Variants in ANTXR1 observed in about 807,000 individuals in gnomAD.
The protein encoded by ANTXR1 is ANTXR cell adhesion molecule 1.
ANTXR1 carries 19 observed loss-of-function variants against 78.1 expected under a neutral mutation model. That is an observed-to-expected ratio of 0.24 (90% CI 0.17 to 0.36). The LOEUF is 0.36. ANTXR1 is among the 10% of genes least tolerant of loss of function. The pLI, the probability that ANTXR1 is intolerant of heterozygous loss-of-function variation, is 1.00. For synonymous variants in ANTXR1, 273 were observed against 260.5 expected (o/e 1.05, Z -0.46); for missense variants, 518 against 718.6 (o/e 0.72, Z 3.19).
At chr2:69,049,957 C>G (rs772439014) in intron 3 of ANTXR1, among the ~76,000 whole-genome samples, 1 of 151,974 alleles carries the variant, frequency 6.6e-6, no homozygotes, top group African/African-American at 2.4e-5. Flanking sequence ...TTATATCTTT[C>G]TTCTATTTCC....
chr2:69,123,176 G>A (rs1672409424), intron 11 of ANTXR1, 90 bp downstream of exon 11: 12 of 1,386,960 alleles, frequency 8.7e-6, no homozygotes, highest in South Asian at 6.9e-5. Flanking sequence ...TCTAGAGAAA[G>A]TGGAGCCTTT....
intron 1 of ANTXR1, among the ~76,000 whole-genome samples, chr2:69,030,890 G>A (rs1671512076): frequency 2.0e-5 from 3 of 152,074 alleles, no homozygotes; most frequent in Admixed American, 6.6e-5. Context: ...AGACATGACA[G>A]TGAATACAGA....
chr2:69,180,539 A>G lies in ANTXR1; in HGVS notation c.1090-1247A>G, dbSNP rs185495995. On this transcript the variant is annotated intron_variant, in intron 14 of 17. Transcript: ENST00000303714. ...GTTCCTCATCTTCTTTCTTCATCTT[A>G]AAAAATATAAACACTAACTTCTTGT... is the stretch of plus-strand genomic sequence containing the variant. 2.8e-3 allele frequency among the ~76,000 whole-genome samples: 425 copies of G among 152,322 alleles called. 1 individual carries two copies. The highest frequency in any genetic ancestry group is 9.8e-3 in the African/African-American group (409 of 41,566).
At chr2:69,090,760 A>G (rs1386410533) in intron 8 of ANTXR1, 99 bp from the exon 9 acceptor site, 1 of 1,230,034 alleles carries the variant, frequency 8.1e-7, no homozygotes, top group South Asian at 1.2e-5. Context: ...ATGTCCTTGA[A>G]CCTTCCTATC....
intron 10 of ANTXR1, among the ~76,000 whole-genome samples, chr2:69,116,948 T>C (rs1343212382): frequency 6.6e-6 from 1 of 152,220 alleles, no homozygotes; most frequent in African/African-American, 2.4e-5. Context: ...CAGGGAAGAA[T>C]TCTGGGAACT....
At chr2:69,020,679 G>A (rs1055764440) in intron 1 of ANTXR1, among the ~76,000 whole-genome samples, 8 of 152,118 alleles carry the variant, frequency 5.3e-5, no homozygotes, top group Non-Finnish European at 5.9e-5. Context: ...TTTGGTATGC[G>A]GCCAAGAGAC....
intron 17 of ANTXR1, among the ~76,000 whole-genome samples, chr2:69,207,108 T>G (rs944827609): frequency 6.6e-6 from 1 of 152,206 alleles, no homozygotes; most frequent in Admixed American, 6.5e-5. Flanking sequence ...CAGCCAGGCT[T>G]TGTGCCTGTC....
intron 17 of ANTXR1, among the ~76,000 whole-genome samples, chr2:69,211,547 T>G (rs1028539684): frequency 1.2e-4 from 19 of 152,386 alleles, no homozygotes; most frequent in African/African-American, 3.8e-4. Flanking sequence ...CAGCTGTTCA[T>G]AGGTGTCAAA....
rs1269965949 is a variant in ANTXR1 at position 69,193,380 on chromosome 2, C to T, written c.1399C>T (p.Arg467Cys). 5.0e-6 allele frequency: 8 copies of T among 1,612,138 alleles called. No individual in the cohort carries two copies. Among genetic ancestry groups the T allele is most frequent in the South Asian group, 2.2e-5 (2 of 91,026 alleles). The change falls in exon 17 of 18, where the codon CGT becomes TGT. Residue 467 changes from arginine to cysteine, a missense_variant. Arg to Cys is a radical substitution (Grantham distance 180). Around this residue, in one of 5 missense-constraint regions of ANTXR1, gnomAD observed 192 missense variants for 230.2 expected, o/e 0.83. Transcript: ENST00000303714. ...GGTCCTACTGAGGAAAGGATATGAT[C>T]GTGTGTCTGTGATGCGTCCACAGCC... Reference protein sequence around the residue: ...LWVLLRKGYDRVSVMRPQPGD... With the variant: ...LWVLLRKGYDCVSVMRPQPGD...
chr2:69,058,001 T>C (rs1670115200), intron 3 of ANTXR1, among the ~76,000 whole-genome samples: 2 of 152,130 alleles, frequency 1.3e-5, no homozygotes, highest in Admixed American at 1.3e-4. Context: ...TAATGCAAAG[T>C]AAAGCTCTAA....
At chr2:69,099,644 G>T (rs79418193) in intron 9 of ANTXR1, among the ~76,000 whole-genome samples, 1 of 152,210 alleles carries the variant, frequency 6.6e-6, no homozygotes, top group African/African-American at 2.4e-5. Flanking sequence ...TGAGTATGAA[G>T]TGATATCTCC....
chr2:69,057,752 C>G (rs927514075), intron 3 of ANTXR1, among the ~76,000 whole-genome samples: 9 of 152,146 alleles, frequency 5.9e-5, no homozygotes, highest in African/African-American at 2.2e-4. Flanking sequence ...ACTTTAAATT[C>G]AAAGCTAGAA....
intron 9 of ANTXR1, among the ~76,000 whole-genome samples, chr2:69,092,424 A>G (rs1349151748): frequency 6.6e-6 from 1 of 152,256 alleles, no homozygotes; most frequent in Non-Finnish European, 1.5e-5. Context: ...GTAACTAGTT[A>G]TGTACATACA....
intron 17 of ANTXR1, among the ~76,000 whole-genome samples, chr2:69,206,247 CA>C (rs1471904774): frequency 6.6e-6 from 1 of 152,210 alleles, no homozygotes; most frequent in Non-Finnish European, 1.5e-5. Context: ...ACCTATGTTT[CA>C]AGGACTCTGT....
chr2:69,073,799 A>C (rs1179961348), intron 6 of ANTXR1, among the ~76,000 whole-genome samples: 1 of 152,208 alleles, frequency 6.6e-6, no homozygotes. Flanking sequence ...AATTAGTATA[A>C]AAGGAAACAA....
chr2:69,219,384 GACAC>G (rs377200577), intron 17 of ANTXR1, among the ~76,000 whole-genome samples: 1,706 of 132,278 alleles, frequency 0.013, 32 homozygotes, highest in African/African-American at 0.04. Flanking sequence ...CCAGAAGGAG[GACAC>G]ACACACACAC....
chr2:69,135,417 AC>A (rs1450430842), intron 12 of ANTXR1, among the ~76,000 whole-genome samples: 1 of 152,190 alleles, frequency 6.6e-6, no homozygotes, highest in African/African-American at 2.4e-5. Flanking sequence ...AATATAATGG[AC>A]CAAACTCAGC....
chr2:69,082,032 G>A (rs1390978960), intron 8 of ANTXR1, among the ~76,000 whole-genome samples: 3 of 152,196 alleles, frequency 2.0e-5, no homozygotes, highest in African/African-American at 7.2e-5. Flanking sequence ...TGCCCACTGT[G>A]TTCTACTAAA....
At chr2:69,145,692 T>C (rs1439339485) in intron 12 of ANTXR1, 1 of 1,124,070 alleles carries the variant, frequency 8.9e-7, no homozygotes, top group Non-Finnish European at 1.1e-6. Flanking sequence ...AGTTTCTTTA[T>C]TTTGAACTTC....
Sources: allele counts gnomAD v4.1 joint callset (sites outside exome capture counted in the v4.1 genomes callset), GRCh38; gene constraint gnomAD v4.1.1; regional missense constraint gnomAD v4.1.1; transcripts MANE v1.5; gene names NCBI Gene and HGNC (gene_info 2026-07-23, HGNC 2026-07-21).